Variants in IGLON5 observed in about 807,000 individuals in gnomAD.
The protein encoded by IGLON5 is Ig-like domain-containing protein ENSP00000270642.
Under a neutral mutation model 38.2 loss-of-function variants are expected in IGLON5, and 16 were observed. The observed-to-expected ratio is 0.42, with a 90% CI of 0.28 to 0.64. IGLON5 has a LOEUF of 0.64. Ranked by LOEUF, IGLON5 falls within the 30% of genes least tolerant of loss-of-function variation. IGLON5 has a pLI of 0.23. For missense variants in IGLON5, 366 were observed against 483.4 expected (o/e 0.76, Z 2.28); for synonymous variants, 207 against 216.4 (o/e 0.96, Z 0.38).
intron 1 of IGLON5, among the ~76,000 whole-genome samples, chr19:51,313,602 CTTCTTTCT>C (rs1293626195): frequency 6.8e-6 from 1 of 147,362 alleles, no homozygotes; most frequent in Non-Finnish European, 1.5e-5. Flanking sequence ...TTTCTCTTTC[CTTCTTTCT>C]TTCTTTCCTT....
intron 2 of IGLON5, 81 bp downstream of exon 2, chr19:51,322,223 G>A (rs1985078921): frequency 8.7e-7 from 1 of 1,151,648 alleles, no homozygotes; most frequent in Non-Finnish European, 1.3e-6. Context: ...TGGGGATCCT[G>A]GTTACAGGAA....
rs1250803998 is a variant in IGLON5, at chr19:51,327,790, C to T, written c.826C>T (p.Leu276Phe). 6.4e-7 allele frequency: 1 copy of T among 1,570,612 alleles called. No homozygotes were observed. Among genetic ancestry groups the T allele is most frequent in the Admixed American group, 1.9e-5 (1 of 53,826 alleles). ...KVQTERTRSM[L>F]LFANVSARHY... Reference sequence around the variant, plus strand: ...GCAGACGGAGCGCACCCGCTCGATGCTTCTCTTTGCCAACGTGAGCGCCCG... The same window carrying T: ...GCAGACGGAGCGCACCCGCTCGATGTTTCTCTTTGCCAACGTGAGCGCCCG... Residue 276 changes from leucine (L) to phenylalanine (F), a missense_variant, in exon 7 of 8, where the codon CTT becomes TTT. Leu to Phe is a conservative substitution (Grantham distance 22, BLOSUM62 0). Coordinates refer to ENST00000270642, the MANE Select transcript of IGLON5 (RefSeq NM_001101372.3). This position sits in a 1 kb window ranked among gnomAD's most constrained non-coding sequence, Gnocchi z 7.1.
Position 51,326,812 on chromosome 19 carries a change from G to T in IGLON5, c.560G>T (p.Arg187Leu). ...GEILEISDIQRGQAGEYECVT... is the reference protein window; with the variant it reads ...GEILEISDIQLGQAGEYECVT... The stretch of plus-strand genomic sequence containing the variant: ...ATCCTGGAGATCTCTGACATCCAGC[G>T]GGGCCAGGCCGGGGAGTATGAGTGC... Residue 187 changes from arginine to leucine, a missense_variant, in exon 5 of 8, where the codon CGG becomes CTG. Transcript: ENST00000270642. 6.4e-7 allele frequency: 1 copy of T among 1,551,164 alleles called. No homozygotes were observed.
At chr19:51,323,470 T>C (rs1189115104) in intron 2 of IGLON5, among the ~76,000 whole-genome samples, 192 bp from the exon 3 acceptor site, 2 of 152,182 alleles carry the variant, frequency 1.3e-5, no homozygotes, top group Admixed American at 6.5e-5. Context: ...CGTTCTGCAG[T>C]TGGGCTCACA....
Position 51,330,273 on chromosome 19 carries a change from G to A in IGLON5, c.*1514G>A, listed in dbSNP as rs971196558. The A allele has an allele frequency of 2.0e-5, 3 of 152,278 alleles. No individual in the cohort carries two copies. The highest frequency in any genetic ancestry group is 2.9e-5 in the Non-Finnish European group (2 of 68,110). The allele number at this position is 152,278 out of a possible 1,614,324, so 9.4% of individuals were successfully genotyped here. A position where few individuals can be genotyped will look rare whatever the true frequency, so the allele number is the denominator to read the frequency against. The stretch of plus-strand genomic sequence containing the variant: ...GGGACAGGGGAGGGATGCTAGGGAG[G>A]GGGTGGGGGGCCCTGGGGGCCATGT... On this transcript the variant is annotated 3_prime_UTR_variant, in exon 8 of 8. Transcript: ENST00000270642.
At chr19:51,317,102 C>T (rs1984944197) in intron 1 of IGLON5, among the ~76,000 whole-genome samples, 1 of 152,154 alleles carries the variant, frequency 6.6e-6, no homozygotes, top group East Asian at 1.9e-4. Context: ...GGTCACTCAG[C>T]TTGTTAGGGA....
chr19:51,313,698 C>CTTTCTTTCTTTCTTT, intron 1 of IGLON5, among the ~76,000 whole-genome samples: 1 of 31,382 alleles, frequency 3.2e-5, no homozygotes, highest in Admixed American at 4.3e-4. Flanking sequence ...TTTCTTTCTT[C>CTTTCTTTCTTTCTTT]TTTCTTCTCT....
chr19:51,315,421 C>T (rs1376303309), intron 1 of IGLON5, among the ~76,000 whole-genome samples: 2 of 152,112 alleles, frequency 1.3e-5, no homozygotes, highest in Non-Finnish European at 2.9e-5. Flanking sequence ...GGACCAGGGC[C>T]GCTATTCTAG....
Position 51,328,794 on chromosome 19 carries a change from G to T in IGLON5, c.*35G>T. On this transcript the variant is annotated 3_prime_UTR_variant, in exon 8 of 8. Transcript: ENST00000270642. ...AGTGGAGCTCACCTCCCCCTGCAGG[G>T]GGCCTCAGGCCAAGAGTGAGAGAAA... 1 of 1,501,980 alleles carries T rather than the reference G, an allele frequency of 6.7e-7. No homozygotes were observed. Among genetic ancestry groups the T allele is most frequent in the South Asian group, 1.2e-5 (1 of 81,904 alleles). 93.0% of individuals were successfully genotyped at this position (1,501,980 alleles called of 1,614,324 possible). A position where few individuals can be genotyped will look rare whatever the true frequency, so the allele number is the denominator to read the frequency against.
Position 51,328,748 on chromosome 19 carries a change from T to C in IGLON5, c.1000T>C (p.Trp334Arg). ...ALLSALGWLW[W>R]RM ...CCTCTCCGCCCTGGGCTGGCTGTGG[T>C]GGAGAATGTAGGCGCAACCCAGTGG... The change falls in exon 8 of 8, where the codon TGG (tryptophan) becomes CGG (arginine). Residue 334 changes from tryptophan (W) to arginine (R), a missense_variant. Coordinates refer to ENST00000270642, the MANE Select transcript of IGLON5 (RefSeq NM_001101372.3). The C allele has an allele frequency of 6.3e-7, 1 of 1,598,572 alleles. No individual in the cohort carries two copies.
chr19:51,325,578 C>T lies in IGLON5; in HGVS notation c.511+113C>T. On this transcript the variant is annotated intron_variant, in intron 4 of 7. Coordinates refer to ENST00000270642, the MANE Select transcript of IGLON5 (RefSeq NM_001101372.3). The surrounding 1 kb of genome is among the most constrained non-coding windows in gnomAD (Gnocchi z 5.5). ...AGCCCCCTTCTCCCTGGCCCCTTGGCTTCCCCTCCCACTCTGCTTCCAGTT... is the reference window on the plus strand; with the variant it reads ...AGCCCCCTTCTCCCTGGCCCCTTGGTTTCCCCTCCCACTCTGCTTCCAGTT... The T allele has an allele frequency of 1.7e-6, 2 of 1,153,448 alleles. No individual in the cohort carries two copies. The highest frequency in any genetic ancestry group is 2.4e-6 in the Non-Finnish European group (2 of 839,374). The allele number at this position is 1,153,448 out of a possible 1,614,324, so 71.5% of individuals were successfully genotyped here. A position where few individuals can be genotyped will look rare whatever the true frequency, so the allele number is the denominator to read the frequency against.
chr19:51,328,226 C>G (rs1372068453), intron 7 of IGLON5, among the ~76,000 whole-genome samples: 2 of 151,774 alleles, frequency 1.3e-5, no homozygotes, highest in African/African-American at 2.4e-5. Context: ...GGAGGCCGGG[C>G]GTGGTGGCTC....
At chr19:51,322,775 T>TCTCTCTCTCTGGGTCTCTGCCCCC (rs1339260340) in intron 2 of IGLON5, among the ~76,000 whole-genome samples, 4 of 148,136 alleles carry the variant, frequency 2.7e-5, no homozygotes, top group Admixed American at 6.7e-5. Flanking sequence ...TCTCTTTCCC[T>TCTCTCTCTCTGGGTCTCTGCCCCC]CTCTCTCTCT....
At chr19:51,318,430 C>T (rs1438161603) in intron 1 of IGLON5, among the ~76,000 whole-genome samples, 2 of 152,192 alleles carry the variant, frequency 1.3e-5, no homozygotes, top group Admixed American at 6.5e-5. Flanking sequence ...GCAGGGTCCA[C>T]TTCCCACCCC....
At chr19:51,322,456 AAGGG>A (rs1985088774) in intron 2 of IGLON5, among the ~76,000 whole-genome samples, 2 of 147,500 alleles carry the variant, frequency 1.4e-5, no homozygotes, top group African/African-American at 5.3e-5. Flanking sequence ...ATCCAGAGAG[AAGGG>A]GACAGAGATC....
Position 51,311,827 on chromosome 19 carries a change from C to A in IGLON5, c.-21C>A, listed in dbSNP as rs564957276. The A allele has an allele frequency of 0.047, 47,299 of 1,002,560 alleles. 1,377 individuals are homozygous for A. The highest frequency in any genetic ancestry group is 0.055 in the Non-Finnish European group (43,177 of 786,858). The allele number at this position is 1,002,560 out of a possible 1,614,324, so 62.1% of individuals were successfully genotyped here. ...GACCGGCCCCCCCTTTCCCCTCCCC[C>A]TCCGCGCCGCCTCTGCCGCGATGCC... On this transcript the variant is annotated 5_prime_UTR_variant, in exon 1 of 8. Transcript: ENST00000270642.
chr19:51,320,750 G>A (rs561829895), intron 1 of IGLON5, among the ~76,000 whole-genome samples: 37 of 152,146 alleles, frequency 2.4e-4, no homozygotes, highest in African/African-American at 8.0e-4. Flanking sequence ...ATCTCTGTGC[G>A]CACGTGTTCA....
intron 1 of IGLON5, among the ~76,000 whole-genome samples, chr19:51,316,998 G>GT (rs1984941749): frequency 6.9e-6 from 1 of 144,556 alleles, no homozygotes; most frequent in African/African-American, 2.5e-5. Context: ...TGGAATCAGA[G>GT]TATCACCCTC....
rs772216573 is a variant in IGLON5 at position 51,327,702 on chromosome 19, G to A, written c.768-30G>A. 6.5e-7 allele frequency: 1 copy of A among 1,548,828 alleles called. No individual in the cohort carries two copies. The highest frequency in any genetic ancestry group is 1.2e-5 in the South Asian group (1 of 84,400). On this transcript the variant is annotated intron_variant, in intron 6 of 7. Transcript: ENST00000270642. This position sits in a 1 kb window ranked among gnomAD's most constrained non-coding sequence, Gnocchi z 7.1. ...GGGGGCTGGCCTGGCTGGGCGCTGC[G>A]GCCCGGCCCCTGACCCGGATCCCTG...
Sources: gnomAD v4.1 joint callset for allele counts (sites outside exome capture counted in the v4.1 genomes callset) on GRCh38, gnomAD v4.1.1 for gene constraint, Gnocchi (gnomAD v3.1) non-coding constraint, MANE v1.5 for transcripts, NCBI Gene and HGNC (gene_info 2026-07-23, HGNC 2026-07-21) for gene names.